KSR2: variants seen among roughly 807,000 people sequenced by gnomAD.
The protein encoded by KSR2 is kinase suppressor of ras 2.
Under a neutral mutation model 107.8 loss-of-function variants are expected in KSR2, and 25 were observed. The observed-to-expected ratio is 0.23, with a 90% CI of 0.17 to 0.32. The LOEUF (loss-of-function observed/expected upper bound fraction) is 0.32, where lower values mean the gene tolerates loss of function less well. Ranked by LOEUF, KSR2 falls within the 10% of genes least tolerant of loss-of-function variation. The probability of loss-of-function intolerance (pLI) is 1.00; values close to 1 mark genes in which losing one functional copy is unlikely to be tolerated. For synonymous variants in KSR2, 480 were observed against 507.0 expected (o/e 0.95, Z 0.71); for missense variants, 887 against 1,268.9 (o/e 0.70, Z 4.57).
chr12:117,652,721 G>A (rs914219131), intron 5 of KSR2, among the ~76,000 whole-genome samples: 2 of 152,178 alleles, frequency 1.3e-5, no homozygotes, highest in South Asian at 4.1e-4. Context: ...AGGGACTACT[G>A]GACACTGACT....
At chr12:117,761,647 TA>T in intron 3 of KSR2, 123 bp from the exon 4 acceptor site, 1 of 878,598 alleles carries the variant, frequency 1.1e-6, no homozygotes, top group Non-Finnish European at 1.9e-6. Context: ...ATGTGCATGT[TA>T]CACTATATAC....
At position 117,761,115 on chromosome 12, in the gene KSR2, G is replaced by A; in HGVS notation, c.882C>T (p.Ser294=). Residue 294 remains serine (S), a synonymous_variant, in exon 4 of 20, where the codon TCC becomes TCT. Transcript: ENST00000339824. ...KLKPPGTPPP[S]SRKLIHLIPG... ...GGATCAAGTGTATCAGTTTTCGGGA[G>A]GAGGGCGGTGGGGTCCCCGGGGGCT... The A allele has an allele frequency of 6.2e-7, 1 of 1,613,530 alleles. No homozygotes were observed.
chr12:117,640,278 G>C (rs951439505), intron 5 of KSR2, among the ~76,000 whole-genome samples: 1 of 151,716 alleles, frequency 6.6e-6, no homozygotes, highest in East Asian at 1.9e-4. Context: ...AGCCTTGAAG[G>C]CTCGCTCTGT....
At chr12:117,939,392 C>T (rs1049809827) in intron 1 of KSR2, among the ~76,000 whole-genome samples, 1 of 152,082 alleles carries the variant, frequency 6.6e-6, no homozygotes, top group Non-Finnish European at 1.5e-5. Context: ...GGACATTTTG[C>T]TATTCTCTCT....
chr12:117,933,766 ATCT>A (rs1226779021), intron 1 of KSR2, among the ~76,000 whole-genome samples: 1 of 152,152 alleles, frequency 6.6e-6, no homozygotes, highest in Non-Finnish European at 1.5e-5. Context: ...GTACTTTAAA[ATCT>A]TCTTACCCTT....
intron 4 of KSR2, among the ~76,000 whole-genome samples, chr12:117,750,167 T>C (rs1251761114): frequency 6.6e-6 from 1 of 151,328 alleles, no homozygotes; most frequent in Non-Finnish European, 1.5e-5. Context: ...GGAGAATCGC[T>C]TGAACCCGGG....
intron 5 of KSR2, among the ~76,000 whole-genome samples, chr12:117,661,975 A>G (rs1475560587): frequency 6.6e-6 from 1 of 152,154 alleles, no homozygotes; most frequent in Non-Finnish European, 1.5e-5. Flanking sequence ...CCTGCAAATC[A>G]TCTACATCCT....
intron 1 of KSR2, among the ~76,000 whole-genome samples, chr12:117,937,001 T>G (rs939826269): frequency 9.9e-5 from 15 of 152,156 alleles, no homozygotes; most frequent in Non-Finnish European, 2.1e-4. Flanking sequence ...AGCCTCAAGG[T>G]GGTATCTGGG....
intron 7 of KSR2, 77 bp from the exon 8 acceptor site, chr12:117,558,650 G>T (rs1877877902): frequency 9.5e-7 from 1 of 1,047,618 alleles, no homozygotes; most frequent in Non-Finnish European, 1.5e-6. Context: ...TGGATGAATG[G>T]ATGGATGGGT....
chr12:117,935,680 G>A (rs1297954325), intron 1 of KSR2, among the ~76,000 whole-genome samples: 2 of 152,216 alleles, frequency 1.3e-5, no homozygotes, highest in Non-Finnish European at 2.9e-5. Context: ...AGAATTGCTT[G>A]AACAGGGAGG....
intron 5 of KSR2, among the ~76,000 whole-genome samples, chr12:117,628,616 T>C (rs1260875654): frequency 1.3e-5 from 2 of 152,162 alleles, no homozygotes; most frequent in African/African-American, 2.4e-5. Flanking sequence ...ATGTCTGTTG[T>C]CCCCTACTGG....
rs557657185 is a variant in KSR2, at chr12:117,945,397, G to C, written c.180+22679C>G. Among the ~76,000 whole-genome samples the C allele has an allele frequency of 6.6e-5, 10 of 152,268 alleles. No homozygotes were observed. The East Asian group carries it at 1.7e-3, about 26-fold the overall frequency. On this transcript the variant is annotated intron_variant, in intron 1 of 19. Transcript: ENST00000339824. ...TGATCATAATTGAATTAAACTGGCT[G>C]AGCGCAGTGACTCACAACTGTAATC...
At chr12:117,770,467 C>A (rs1889400099) in intron 3 of KSR2, among the ~76,000 whole-genome samples, 2 of 151,998 alleles carry the variant, frequency 1.3e-5, no homozygotes, top group Non-Finnish European at 2.9e-5. Context: ...GACTTTCAAG[C>A]CCCTAGAACT....
At chr12:117,622,061 C>T (rs1882229530) in intron 5 of KSR2, among the ~76,000 whole-genome samples, 1 of 152,070 alleles carries the variant, frequency 6.6e-6, no homozygotes, top group Admixed American at 6.6e-5. Context: ...ACTGCTTTGA[C>T]CTCACAAGCA....
chr12:117,941,089 A>T (rs148429885), intron 1 of KSR2, among the ~76,000 whole-genome samples: 25 of 152,028 alleles, frequency 1.6e-4, no homozygotes, highest in Non-Finnish European at 3.1e-4. Context: ...TGTCTCAAAA[A>T]AATAATAATA....
In KSR2 at chr12:117,484,569, G is replaced by A; in HGVS notation, c.2317-20C>T. 3 of 1,612,680 alleles carry A rather than the reference G, an allele frequency of 1.9e-6. No homozygotes were observed. The highest frequency in any genetic ancestry group is 2.5e-6 in the Non-Finnish European group (3 of 1,179,062). On this transcript the variant is annotated intron_variant, in intron 15 of 19. Transcript: ENST00000339824. ...CATGCCCTGCAAGAAGCAAGGAACAGAGAGTTGCCAGAGAAAAACCTAAGA... is the reference window on the plus strand; with the variant it reads ...CATGCCCTGCAAGAAGCAAGGAACAAAGAGTTGCCAGAGAAAAACCTAAGA...
chr12:117,873,726 G>A (rs565142435), intron 1 of KSR2, among the ~76,000 whole-genome samples: 8 of 152,262 alleles, frequency 5.3e-5, no homozygotes, highest in Non-Finnish European at 1.2e-4. Flanking sequence ...CTCCCAAGGT[G>A]CTGGGATTAC....
At chr12:117,874,016 G>A (rs1337323461) in intron 1 of KSR2, among the ~76,000 whole-genome samples, 2 of 152,052 alleles carry the variant, frequency 1.3e-5, no homozygotes, top group African/African-American at 2.4e-5. Flanking sequence ...CATTTCCCTC[G>A]CAAATCATCT....
intron 3 of KSR2, among the ~76,000 whole-genome samples, chr12:117,788,532 C>T (rs1890153715): frequency 6.6e-6 from 1 of 152,174 alleles, no homozygotes. Flanking sequence ...GACAGAGTCT[C>T]ACTCCATTGC....
Sources: gnomAD v4.1 joint callset for allele counts (sites outside exome capture counted in the v4.1 genomes callset) on GRCh38, gnomAD v4.1.1 for gene constraint, MANE v1.5 for transcripts, NCBI Gene and HGNC (gene_info 2026-07-23, HGNC 2026-07-21) for gene names.